The following PLA2R1 variants were observed in gnomAD, a reference collection of about 807,000 sequenced individuals.
PLA2R1 encodes phospholipase A2 receptor 1.
A neutral mutation model predicts 195.9 loss-of-function variants in PLA2R1; 158 were observed. The ratio of observed to expected loss-of-function variants is 0.81; its 90% CI spans 0.71 to 0.92. The LOEUF is 0.92. PLA2R1 is among the 40% of genes least tolerant of loss of function. The probability of loss-of-function intolerance (pLI) is 0.00; values close to 1 mark genes in which losing one functional copy is unlikely to be tolerated. For synonymous variants in PLA2R1, 586 were observed against 598.2 expected (o/e 0.98, Z 0.30); for missense variants, 1,626 against 1,764.6 (o/e 0.92, Z 1.41).
chr2:159,928,606 C>A (rs543635873), downstream of PLA2R1, among the ~76,000 whole-genome samples: 1 of 152,256 alleles, frequency 6.6e-6, no homozygotes, highest in African/African-American at 2.4e-5. Flanking sequence ...AAATTCAATG[C>A]ATTTCCCATC....
Position 159,967,578 on chromosome 2 carries a change from A to G in PLA2R1, c.2865T>C (p.His955=), listed in dbSNP as rs987410894. ...ATAGCCATCCTTTGGGACACGTTCC[A>G]TGTTGTTTTGGTGTATCTTTCTTTT... ...IEKKKDTPKQ[H]GTCPKGWLYF... The change falls in exon 20 of 30, where the codon CAT becomes CAC. Residue 955 remains histidine (H), a synonymous_variant. Transcript: ENST00000283243. 2.5e-6 allele frequency: 4 copies of G among 1,613,656 alleles called. No individual in the cohort carries two copies. The highest frequency in any genetic ancestry group is 3.4e-6 in the Non-Finnish European group (4 of 1,179,768).
intron 3 of PLA2R1, among the ~76,000 whole-genome samples, chr2:160,034,616 G>A (rs1031107658): frequency 1.3e-5 from 2 of 152,190 alleles, no homozygotes; most frequent in Admixed American, 6.5e-5. Flanking sequence ...GAGCGGGGGT[G>A]TGTTCATAGT....
intron 19 of PLA2R1, among the ~76,000 whole-genome samples, chr2:159,968,660 T>G (rs1688943747): frequency 6.6e-6 from 1 of 152,162 alleles, no homozygotes; most frequent in Non-Finnish European, 1.5e-5. Context: ...TTTTATTGGT[T>G]AGAAAGAAGG....
intron 2 of PLA2R1, among the ~76,000 whole-genome samples, chr2:160,044,080 G>C (rs1163775229): frequency 6.6e-6 from 1 of 152,134 alleles, no homozygotes; most frequent in Non-Finnish European, 1.5e-5. Context: ...TGGATGGATA[G>C]AGTGAGCTAC....
chr2:160,037,320 T>A (rs2105555883), intron 3 of PLA2R1, among the ~76,000 whole-genome samples: 1 of 152,360 alleles, frequency 6.6e-6, no homozygotes, highest in Non-Finnish European at 1.5e-5. Context: ...TAGAATTAGG[T>A]AAGTCCTTAC....
intron 20 of PLA2R1, among the ~76,000 whole-genome samples, chr2:159,964,039 C>T (rs528947065): frequency 6.6e-6 from 1 of 152,088 alleles, no homozygotes; most frequent in Admixed American, 6.6e-5. Flanking sequence ...CACACACGCC[C>T]GTGCCACACA....
At chr2:160,017,614 T>C (rs1013674227) in intron 8 of PLA2R1, among the ~76,000 whole-genome samples, 1 of 152,216 alleles carries the variant, frequency 6.6e-6, no homozygotes, top group Non-Finnish European at 1.5e-5. Context: ...GCTAGGCAGA[T>C]ACCTTCATGT....
intron 24 of PLA2R1, among the ~76,000 whole-genome samples, chr2:159,950,635 C>A (rs139300262): frequency 6.6e-6 from 1 of 152,182 alleles, no homozygotes; most frequent in Admixed American, 6.5e-5. Context: ...AATTAAAAAG[C>A]AAGTTTAAAG....
chr2:160,007,387 A>C (rs567354794), intron 10 of PLA2R1, among the ~76,000 whole-genome samples: 5 of 152,280 alleles, frequency 3.3e-5, no homozygotes, highest in Admixed American at 1.3e-4. Flanking sequence ...TTCTGTTTTC[A>C]TGCCCAAATG....
intron 17 of PLA2R1, among the ~76,000 whole-genome samples, chr2:159,971,211 T>C (rs1358481873): frequency 6.6e-6 from 1 of 152,162 alleles, no homozygotes; most frequent in Non-Finnish European, 1.5e-5. Context: ...TTTAGTAGAT[T>C]ATAAATTCTA....
At chr2:160,019,695 C>T (rs912003506) in intron 8 of PLA2R1, among the ~76,000 whole-genome samples, 9 of 152,202 alleles carry the variant, frequency 5.9e-5, no homozygotes, top group African/African-American at 1.9e-4. Flanking sequence ...GACCTCCTCA[C>T]CACTGGTCTC....
intron 11 of PLA2R1, among the ~76,000 whole-genome samples, chr2:159,995,861 T>G (rs1691175776): frequency 6.6e-6 from 1 of 152,034 alleles, no homozygotes; most frequent in African/African-American, 2.4e-5. Context: ...ATAGACATCC[T>G]ACACCACAGT....
At chr2:160,004,896 C>A (rs1343205352) in intron 11 of PLA2R1, among the ~76,000 whole-genome samples, 1 of 152,190 alleles carries the variant, frequency 6.6e-6, no homozygotes, top group African/African-American at 2.4e-5. Context: ...GCTGTTAACG[C>A]TGGAATCCTG....
chr2:160,057,568 A>G (rs1251746750), intron 1 of PLA2R1, among the ~76,000 whole-genome samples: 4 of 152,136 alleles, frequency 2.6e-5, no homozygotes, highest in Non-Finnish European at 5.9e-5. Context: ...ATCCTTTAGG[A>G]AAACAAATGT....
chr2:160,054,762 GAAC>G (rs1695430759), intron 1 of PLA2R1, among the ~76,000 whole-genome samples: 1 of 151,970 alleles, frequency 6.6e-6, no homozygotes, highest in Admixed American at 6.6e-5. Flanking sequence ...TTTATTTTAT[GAAC>G]AATAATATTT....
chr2:159,972,191 C>CATGGCACATCACAACCTGTTGTGAT (rs1689234210), intron 17 of PLA2R1, among the ~76,000 whole-genome samples: 1 of 152,132 alleles, frequency 6.6e-6, no homozygotes, highest in Admixed American at 6.5e-5. Context: ...GTAACCTCCA[C>CATGGCACATCACAACCTGTTGTGAT]ATGGCACATC....
At chr2:160,019,282 C>T (rs142489283) in intron 8 of PLA2R1, among the ~76,000 whole-genome samples, 1 of 152,228 alleles carries the variant, frequency 6.6e-6, no homozygotes, top group East Asian at 1.9e-4. Flanking sequence ...GCTTAAAAAC[C>T]ATCACTCTCC....
intron 10 of PLA2R1, among the ~76,000 whole-genome samples, chr2:160,012,076 T>C (rs1692402893): frequency 6.6e-6 from 1 of 152,168 alleles, no homozygotes; most frequent in Admixed American, 6.5e-5. Context: ...CTTTGGATGT[T>C]GACTTCCAAT....
intron 11 of PLA2R1, among the ~76,000 whole-genome samples, chr2:160,003,772 A>T (rs188691678): frequency 1.3e-5 from 2 of 152,320 alleles, no homozygotes; most frequent in Middle Eastern, 3.4e-3. Flanking sequence ...CGACATCAAC[A>T]TAGAGATATT....
Sources: gnomAD v4.1 joint callset for allele counts (sites outside exome capture counted in the v4.1 genomes callset) on GRCh38, gnomAD v4.1.1 for gene constraint, MANE v1.5 for transcripts, NCBI Gene and HGNC (gene_info 2026-07-23, HGNC 2026-07-21) for gene names.